ASB9: variants seen among roughly 807,000 people sequenced by gnomAD.
The protein encoded by ASB9 is ankyrin repeat and SOCS box containing 9, also known as ankyrin repeat and SOCS box protein 9.
ASB9 carries 5 observed loss-of-function variants against 16.6 expected under a neutral mutation model. The observed-to-expected ratio is 0.30, with a 90% CI of 0.16 to 0.63. The LOEUF (loss-of-function observed/expected upper bound fraction) is 0.63. Among genes scored for constraint, ASB9 ranks in the 30% least tolerant of loss-of-function variants. ASB9 has a pLI of 0.82. For synonymous variants in ASB9, 100 were observed against 86.4 expected, an observed-to-expected ratio of 1.16 and a Z score of -0.87; for missense variants, 216 against 229.4, an observed-to-expected ratio of 0.94 and a Z score of 0.38.
intron 6 of ASB9, among the ~76,000 whole-genome samples, chrX:15,245,201 A>C (rs928250057): frequency 9.0e-6 from 1 of 111,604 alleles, no homozygotes; most frequent in Non-Finnish European, 1.9e-5. Flanking sequence ...AACAGTTTAC[A>C]TTTTAGGACA....
intron 6 of ASB9, among the ~76,000 whole-genome samples, chrX:15,246,781 A>G (rs903043068): frequency 1.5e-4 from 17 of 111,645 alleles, no homozygotes; most frequent in African/African-American, 5.2e-4. Context: ...CCGGCCAGCA[A>G]CAACCATTGA....
At chrX:15,262,941 A>G (rs1467346452) in intron 1 of ASB9, among the ~76,000 whole-genome samples, 1 of 112,064 alleles carries the variant, frequency 8.9e-6, no homozygotes, top group Non-Finnish European at 1.9e-5. Flanking sequence ...CTAGTTTAAC[A>G]TTTTTCTAAC....
intron 6 of ASB9, among the ~76,000 whole-genome samples, chrX:15,245,862 T>A (rs957905761): frequency 4.5e-5 from 5 of 112,117 alleles, no homozygotes; most frequent in African/African-American, 1.6e-4. Flanking sequence ...CAAGGAGAGA[T>A]GGAACTCGAC....
intron 5 of ASB9, among the ~76,000 whole-genome samples, chrX:15,249,397 A>G (rs1428790904): frequency 8.9e-6 from 1 of 112,267 alleles, no homozygotes; most frequent in Non-Finnish European, 1.9e-5. Flanking sequence ...TTGAAAAGCA[A>G]CCAACCAACT....
At chrX:15,255,583 G>A (rs1374564215) in intron 2 of ASB9, among the ~76,000 whole-genome samples, 1 of 111,428 alleles carries the variant, frequency 9.0e-6, no homozygotes. Context: ...GCAGTCACAT[G>A]GCAATATTCT....
chrX:15,249,823 G>C (rs1924954973), intron 5 of ASB9, among the ~76,000 whole-genome samples: 1 of 111,441 alleles, frequency 9.0e-6, no homozygotes, highest in East Asian at 2.8e-4. Flanking sequence ...TGAGTAGGAG[G>C]CAATAAGGAC....
intron 2 of ASB9, 25 bp downstream of exon 2, chrX:15,258,841 C>T: frequency 7.9e-6 from 9 of 1,146,083 alleles, no homozygotes; most frequent in Non-Finnish European, 1.1e-5. Flanking sequence ...TAGGTTTCTT[C>T]TGTATTGTAT....
chrX:15,261,281 A>G (rs1183361496), intron 1 of ASB9, among the ~76,000 whole-genome samples: 1 of 112,265 alleles, frequency 8.9e-6, no homozygotes, highest in African/African-American at 3.2e-5. Context: ...AAAGAGCCAC[A>G]AATTGAGAAA....
At chrX:15,253,927 A>G (rs1259964220) in intron 3 of ASB9, among the ~76,000 whole-genome samples, 1 of 112,075 alleles carries the variant, frequency 8.9e-6, no homozygotes, top group African/African-American at 3.2e-5. Flanking sequence ...ATTTAAGGAC[A>G]TATTCATTTT....
chrX:15,268,327 G>A (rs1343958896), intron 1 of ASB9, among the ~76,000 whole-genome samples: 2 of 65,896 alleles, frequency 3.0e-5, no homozygotes, highest in Non-Finnish European at 6.2e-5. Context: ...ATGAGACTCC[G>A]TCTCAAAAAA....
intron 4 of ASB9, 52 bp from the exon 5 acceptor site, chrX:15,250,616 A>G (rs1416205311): frequency 5.3e-6 from 6 of 1,128,027 alleles, no homozygotes; most frequent in African/African-American, 3.6e-5. Context: ...TCCCTTAGCT[A>G]GAAAGACATT....
chrX:15,270,007 G>A lies in ASB9; in HGVS notation c.-133C>T. 1 of 469,422 alleles carries A rather than the reference G, an allele frequency of 2.1e-6. No individual in the cohort carries two copies. Among genetic ancestry groups the A allele is most frequent in the Non-Finnish European group, 3.5e-6 (1 of 285,737 alleles). The allele number at this position is 469,422 out of a possible 1,213,427, so 38.7% of individuals were successfully genotyped here. A position where few individuals can be genotyped will look rare whatever the true frequency, so the allele number is the denominator to read the frequency against. Reference sequence around the variant, plus strand: ...TGAGCTGCACACGTTCTGGTCAAATGGTCTGCAGCAAAGCACAGAGCAGGC... The same window carrying A: ...TGAGCTGCACACGTTCTGGTCAAATAGTCTGCAGCAAAGCACAGAGCAGGC... On this transcript the variant is annotated 5_prime_UTR_variant, in exon 1 of 7. Transcript: ENST00000380488.
intron 6 of ASB9, among the ~76,000 whole-genome samples, chrX:15,247,439 TGATGGAG>T (rs1471061845): frequency 8.9e-6 from 1 of 111,956 alleles, no homozygotes; most frequent in Admixed American, 9.4e-5. Context: ...TGAGGTTGTT[TGATGGAG>T]GAGGGGACAT....
intron 3 of ASB9, among the ~76,000 whole-genome samples, chrX:15,253,050 A>G (rs1230781996): frequency 9.1e-6 from 1 of 110,297 alleles, no homozygotes; most frequent in Non-Finnish European, 1.9e-5. Flanking sequence ...CCTGGGCAAC[A>G]TGGTGAAACC....
intron 1 of ASB9, among the ~76,000 whole-genome samples, chrX:15,262,782 C>A (rs1034485372): frequency 8.9e-6 from 1 of 111,751 alleles, no homozygotes; most frequent in Non-Finnish European, 1.9e-5. Flanking sequence ...CAGGTGCACA[C>A]CATCACACTC....
At chrX:15,266,557 CTTG>C (rs1365594451) in intron 1 of ASB9, among the ~76,000 whole-genome samples, 1 of 111,944 alleles carries the variant, frequency 8.9e-6, no homozygotes, top group Admixed American at 9.5e-5. Flanking sequence ...GCTGTAAAAA[CTTG>C]TTGACTTTAC....
intron 2 of ASB9, among the ~76,000 whole-genome samples, chrX:15,255,645 T>G (rs921357617): frequency 1.8e-5 from 2 of 111,765 alleles, no homozygotes; most frequent in African/African-American, 6.5e-5. Context: ...TCTTTCATGC[T>G]TATGAAATTT....
chrX:15,246,621 G>A (rs975591184), intron 6 of ASB9, among the ~76,000 whole-genome samples: 1 of 111,280 alleles, frequency 9.0e-6, no homozygotes, highest in African/African-American at 3.3e-5. Context: ...GACTACAGGT[G>A]CCTGCCACCA....
chrX:15,244,612 T>C lies in ASB9; in HGVS notation c.779A>G (p.Gln260Arg), dbSNP rs762423617. 8.3e-7 allele frequency: 1 copy of C among 1,204,643 alleles called. No individual in the cohort carries two copies. The highest frequency in any genetic ancestry group is 1.7e-5 in the African/African-American group (1 of 57,239). The change falls in exon 7 of 7, where the codon CAG (glutamine) becomes CGG (arginine). Residue 260 changes from glutamine to arginine, a missense_variant. Physicochemically the swap from Gln to Arg is conservative, Grantham distance 43. Coordinates refer to ENST00000380488, the MANE Select transcript of ASB9 (RefSeq NM_001031739.3). ...CTTCCGAATTCTAAGGCGGCATAAC[T>C]GCATCAAAGAAGGGGGCCCTGGAGA... ...LEREGPPSLMQLCRLRIRKCF... is the reference protein window; with the variant it reads ...LEREGPPSLMRLCRLRIRKCF...
Sources: allele counts gnomAD v4.1 joint callset (sites outside exome capture counted in the v4.1 genomes callset), GRCh38; gene constraint gnomAD v4.1.1; transcripts MANE v1.5; gene names NCBI Gene and HGNC (gene_info 2026-07-23, HGNC 2026-07-21).